Variants in MMP26 observed in about 807,000 individuals in gnomAD.
The protein encoded by MMP26 is matrix metalloproteinase-26.
In MMP26, 33 loss-of-function variants were observed where a neutral mutation model predicts 31.0. That is an observed-to-expected ratio of 1.06 (90% confidence interval 0.81 to 1.42). MMP26 has a LOEUF of 1.42. Among genes scored for constraint, MMP26 ranks in the 40% most tolerant of loss-of-function variants. The probability of loss-of-function intolerance (pLI) is 0.00; values close to 1 mark genes in which losing one functional copy is unlikely to be tolerated. For synonymous variants in MMP26, 122 were observed against 114.9 expected (o/e 1.06, Z -0.40); for missense variants, 347 against 316.1 (o/e 1.10, Z -0.74).
intron 2 of MMP26, among the ~76,000 whole-genome samples, chr11:4,985,161 A>G (rs1846867757): frequency 7.9e-6 from 1 of 126,554 alleles, no homozygotes; most frequent in African/African-American, 2.7e-5. Context: ...TTAATACATA[A>G]TCTGACTTAA....
intron 2 of MMP26, among the ~76,000 whole-genome samples, chr11:4,985,283 C>T (rs977474164): frequency 6.6e-6 from 1 of 152,144 alleles, no homozygotes; most frequent in Non-Finnish European, 1.5e-5. Context: ...ATAATAAGGT[C>T]TATATCACCA....
At chr11:4,721,018 C>G (rs1237825791) in intron 1 of MMP26, among the ~76,000 whole-genome samples, 1 of 152,222 alleles carries the variant, frequency 6.6e-6, no homozygotes, top group Admixed American at 6.5e-5. Context: ...GGACAACAAG[C>G]AAACATGATA....
Position 4,848,779 on chromosome 11 carries a change from G to A in MMP26, c.-145+81438G>A, listed in dbSNP as rs757594137. ...ATTTTGCTAATTACACCATTGGTGA[G>A]GAGCGCTGGGTAGTGGAGAGGTCGG... On this transcript the variant is annotated intron_variant, in intron 2 of 7. Coordinates refer to ENST00000380390, the MANE Select transcript of MMP26 (RefSeq NM_021801.5). 14 of 1,613,948 alleles carry A rather than the reference G, an allele frequency of 8.7e-6. No individual in the cohort carries two copies. The African/African-American group carries it at 1.1e-4, about 12-fold the overall frequency.
chr11:4,853,650 A>C (rs1850005846), intron 2 of MMP26, among the ~76,000 whole-genome samples: 1 of 152,206 alleles, frequency 6.6e-6, no homozygotes, highest in Non-Finnish European at 1.5e-5. Flanking sequence ...TTACTAATTA[A>C]AACTCTTCCT....
intron 2 of MMP26, among the ~76,000 whole-genome samples, chr11:4,842,608 C>T (rs888795796): frequency 6.6e-6 from 1 of 152,106 alleles, no homozygotes; most frequent in East Asian, 1.9e-4. Context: ...CCCATCAGGT[C>T]CCTCTCTCCA....
intron 2 of MMP26, among the ~76,000 whole-genome samples, chr11:4,807,683 G>T (rs1208639949): frequency 6.6e-6 from 1 of 151,974 alleles, no homozygotes; most frequent in South Asian, 2.1e-4. Context: ...TGAGTTGATG[G>T]GTTCAGCAAA....
At chr11:4,907,328 T>A in intron 2 of MMP26, 1 of 1,356,818 alleles carries the variant, frequency 7.4e-7, no homozygotes, top group South Asian at 1.2e-5. Flanking sequence ...TTTTCATTTA[T>A]ATGGTTTCAG....
At chr11:4,801,303 A>G (rs7930228) in intron 2 of MMP26, among the ~76,000 whole-genome samples, 55,873 of 151,984 alleles carry the variant, frequency 0.37, 11,346 homozygotes, top group African/African-American at 0.51. Context: ...TCACGATAAA[A>G]AAATATCTGA....
chr11:4,747,976 A>G (rs1477458185), intron 1 of MMP26, among the ~76,000 whole-genome samples: 1 of 152,074 alleles, frequency 6.6e-6, no homozygotes, highest in Non-Finnish European at 1.5e-5. Context: ...ATTAATACCA[A>G]AAGAACAATA....
intron 2 of MMP26, among the ~76,000 whole-genome samples, chr11:4,812,163 G>A (rs1160266070): frequency 6.6e-6 from 1 of 152,048 alleles, no homozygotes; most frequent in Non-Finnish European, 1.5e-5. Flanking sequence ...AAGGTTTTTG[G>A]GGATATTGAC....
chr11:4,783,768 G>A (rs1316148412), intron 2 of MMP26, among the ~76,000 whole-genome samples: 1 of 152,122 alleles, frequency 6.6e-6, no homozygotes, highest in Non-Finnish European at 1.5e-5. Flanking sequence ...TGTTCTCATG[G>A]TAGTGAATAA....
intron 2 of MMP26, among the ~76,000 whole-genome samples, chr11:4,905,560 G>T (rs61293459): frequency 0.029 from 4,463 of 152,180 alleles, 218 homozygotes; most frequent in African/African-American, 0.1. Context: ...GCAAGTTGAA[G>T]TTTAAAAAAT....
At chr11:4,909,948 G>A (rs1360082321) in intron 2 of MMP26, among the ~76,000 whole-genome samples, 2 of 151,822 alleles carry the variant, frequency 1.3e-5, no homozygotes, top group East Asian at 3.9e-4. Flanking sequence ...CCAAACCTCG[G>A]TTTTTGGTGT....
intron 1 of MMP26, among the ~76,000 whole-genome samples, chr11:4,724,751 T>G (rs1303233571): frequency 1.3e-5 from 2 of 152,220 alleles, no homozygotes; most frequent in Non-Finnish European, 2.9e-5. Flanking sequence ...AACATTGAAT[T>G]TTTCCTTCCT....
chr11:4,892,769 C>A (rs1850644982), intron 2 of MMP26, among the ~76,000 whole-genome samples: 1 of 152,110 alleles, frequency 6.6e-6, no homozygotes, highest in African/African-American at 2.4e-5. Context: ...TTGGCATGAT[C>A]TTTGTCACTT....
intron 2 of MMP26, among the ~76,000 whole-genome samples, chr11:4,862,551 A>G (rs1292914080): frequency 3.9e-5 from 6 of 152,144 alleles, no homozygotes; most frequent in Non-Finnish European, 8.8e-5. Flanking sequence ...TTAAATTGGG[A>G]GTCTGTGAGA....
chr11:4,844,143 A>G (rs945911046), intron 2 of MMP26, among the ~76,000 whole-genome samples: 2 of 152,208 alleles, frequency 1.3e-5, no homozygotes, highest in African/African-American at 4.8e-5. Context: ...ACGAGCAAGT[A>G]TATGCCAATA....
chr11:4,854,944 G>C (rs553850369), intron 2 of MMP26, among the ~76,000 whole-genome samples: 1 of 152,300 alleles, frequency 6.6e-6, no homozygotes, highest in South Asian at 2.1e-4. Flanking sequence ...TGATACCCAA[G>C]CAAACAGGGT....
chr11:4,769,613 T>C (rs754340113), intron 2 of MMP26: 2 of 1,612,270 alleles, frequency 1.2e-6, no homozygotes, highest in East Asian at 4.5e-5. Flanking sequence ...AAAAAACATC[T>C]GGACAATGCA....
Sources: allele counts gnomAD v4.1 joint callset (sites outside exome capture counted in the v4.1 genomes callset), GRCh38; gene constraint gnomAD v4.1.1; transcripts MANE v1.5; gene names NCBI Gene and HGNC (gene_info 2026-07-23, HGNC 2026-07-21).